ITGB6: variants seen among roughly 807,000 people sequenced by gnomAD.
ITGB6 encodes the protein integrin subunit beta 6.
In ITGB6, 80 loss-of-function variants were observed where a neutral mutation model predicts 84.5. That is an observed-to-expected ratio of 0.95 (90% CI 0.79 to 1.14). The LOEUF (loss-of-function observed/expected upper bound fraction) is 1.14, where lower values mean the gene tolerates loss of function less well. Ranked by LOEUF, ITGB6 falls within the 50% of genes most tolerant of loss-of-function variation. The pLI is 0.00. For synonymous variants in ITGB6, 383 were observed against 354.9 expected (o/e 1.08, Z -0.89); for missense variants, 1,006 against 968.0 (o/e 1.04, Z -0.52).
At chr2:160,108,252 T>TGTGTGC (rs1440154947) in intron 13 of ITGB6, among the ~76,000 whole-genome samples, 88 of 148,186 alleles carry the variant, frequency 5.9e-4, no homozygotes, top group African/African-American at 2.1e-3. Context: ...TGTGTGTGTG[T>TGTGTGC]GTGCTGCATG....
chr2:160,137,401 C>T (rs1683783479), intron 10 of ITGB6, 33 bp downstream of exon 10: 3 of 1,572,932 alleles, frequency 1.9e-6, no homozygotes, highest in Non-Finnish European at 2.6e-6. Context: ...ACTTGAGCAG[C>T]CACAGGGTAA....
chr2:160,154,515 T>C (rs1453883193), intron 7 of ITGB6, among the ~76,000 whole-genome samples: 1 of 152,120 alleles, frequency 6.6e-6, no homozygotes, highest in African/African-American at 2.4e-5. Flanking sequence ...CACACCAACA[T>C]GGCACATGTA....
intron 7 of ITGB6, among the ~76,000 whole-genome samples, chr2:160,160,816 G>A (rs978432929): frequency 3.9e-5 from 6 of 152,118 alleles, no homozygotes; most frequent in African/African-American, 1.4e-4. Context: ...CACATAGAGT[G>A]GCCAACTGCA....
chr2:160,178,170 C>T (rs183892382), intron 4 of ITGB6, among the ~76,000 whole-genome samples: 144 of 152,290 alleles, frequency 9.5e-4, no homozygotes, highest in African/African-American at 3.2e-3. Flanking sequence ...CCACTGTGCC[C>T]GGCCAGTTAT....
intron 12 of ITGB6, among the ~76,000 whole-genome samples, chr2:160,118,610 A>C (rs1045432292): frequency 2.0e-5 from 3 of 152,172 alleles, no homozygotes; most frequent in African/African-American, 7.2e-5. Context: ...GGCACAAGAC[A>C]GGGATGCCCT....
chr2:160,158,541 C>T (rs2198918), intron 7 of ITGB6, among the ~76,000 whole-genome samples: 46,736 of 152,104 alleles, frequency 0.31, 8,960 homozygotes, highest in Non-Finnish European at 0.42. Context: ...AATTGCAGAC[C>T]TTTGCTGACT....
At chr2:160,185,082 C>T (rs1489559337) in intron 4 of ITGB6, among the ~76,000 whole-genome samples, 5 of 152,164 alleles carry the variant, frequency 3.3e-5, no homozygotes, top group Non-Finnish European at 5.9e-5. Flanking sequence ...GACAAGAATG[C>T]CCTCTCTCAC....
intron 7 of ITGB6, among the ~76,000 whole-genome samples, chr2:160,153,868 C>A (rs955784532): frequency 1.3e-5 from 2 of 152,140 alleles, no homozygotes; most frequent in South Asian, 4.2e-4. Context: ...AAATGCAAAT[C>A]AAAACCACAA....
At chr2:160,162,081 C>A (rs945412731) in intron 7 of ITGB6, among the ~76,000 whole-genome samples, 1 of 152,148 alleles carries the variant, frequency 6.6e-6, no homozygotes, top group Non-Finnish European at 1.5e-5. Flanking sequence ...AAAAGCAGAG[C>A]ATTGAGCTTA....
intron 7 of ITGB6, among the ~76,000 whole-genome samples, chr2:160,151,141 C>T (rs1458439105): frequency 1.3e-5 from 2 of 152,162 alleles, no homozygotes; most frequent in African/African-American, 2.4e-5. Flanking sequence ...AGAGAATATA[C>T]ATTCTTCTCA....
intron 4 of ITGB6, among the ~76,000 whole-genome samples, chr2:160,183,185 T>A (rs1020738421): frequency 1.6e-4 from 25 of 152,108 alleles, no homozygotes; most frequent in African/African-American, 5.3e-4. Flanking sequence ...CCAATTAAAA[T>A]ACACATAGTG....
rs1244078619 is a variant in ITGB6, at chr2:160,163,442, G to C, written c.1017+5770C>G. 2.6e-5 allele frequency among the ~76,000 whole-genome samples: 4 copies of C among 152,212 alleles called. No individual in the cohort carries two copies. In the East Asian group the frequency reaches 5.8e-4, roughly 22 times the overall value. On this transcript the variant is annotated intron_variant, in intron 7 of 14. Coordinates refer to ENST00000283249, the MANE Select transcript of ITGB6 (RefSeq NM_000888.5). ...AGATCAGGAGTTCGAGACCAGTCTG[G>C]CCAACATGGTGAAACCCCGTCTCTA... is the stretch of plus-strand genomic sequence containing the variant.
intron 7 of ITGB6, among the ~76,000 whole-genome samples, chr2:160,156,631 C>A (rs1020390605): frequency 6.6e-6 from 1 of 152,138 alleles, no homozygotes. Context: ...AACCGTTAGA[C>A]CTCACAGTTG....
rs1402921832 is a variant in ITGB6, at chr2:160,173,826, G to C, written c.759+148C>G. The C allele has an allele frequency of 7.6e-6, 5 of 656,030 alleles. No individual in the cohort carries two copies. In the East Asian group the frequency reaches 1.6e-4, roughly 21 times the overall value. The allele number at this position is 656,030 out of a possible 1,614,324, so 40.6% of individuals were successfully genotyped here. On this transcript the variant is annotated intron_variant, in intron 5 of 14. Coordinates refer to ENST00000283249, the MANE Select transcript of ITGB6 (RefSeq NM_000888.5). ...TTCAACATGATTTAATTAAACATTT[G>C]GTAAAAATTGTGTATTTTAAGAAAA... is the stretch of plus-strand genomic sequence containing the variant.
intron 4 of ITGB6, among the ~76,000 whole-genome samples, chr2:160,178,144 C>T (rs1043204025): frequency 6.6e-6 from 1 of 152,192 alleles, no homozygotes; most frequent in Non-Finnish European, 1.5e-5. Context: ...CAAAGTGCTG[C>T]GAGTACAGGC....
intron 4 of ITGB6, among the ~76,000 whole-genome samples, chr2:160,184,898 T>A (rs1192097138): frequency 6.6e-6 from 1 of 152,114 alleles, no homozygotes; most frequent in Non-Finnish European, 1.5e-5. Context: ...ATCTCAATAG[T>A]TGCAGAAAAG....
chr2:160,139,477 T>G (rs1208898544), intron 8 of ITGB6, among the ~76,000 whole-genome samples: 2 of 152,106 alleles, frequency 1.3e-5, no homozygotes, highest in Non-Finnish European at 2.9e-5. Flanking sequence ...CAAAATCTGT[T>G]TATACTGAAA....
At chr2:160,125,576 T>G (rs1472548143) in intron 11 of ITGB6, among the ~76,000 whole-genome samples, 4 of 152,208 alleles carry the variant, frequency 2.6e-5, no homozygotes, top group African/African-American at 9.6e-5. Flanking sequence ...GAGTAACCAC[T>G]GAGTGAAAAA....
intron 14 of ITGB6, among the ~76,000 whole-genome samples, chr2:160,106,657 A>G (rs1363780330): frequency 1.3e-5 from 2 of 152,234 alleles, no homozygotes; most frequent in African/African-American, 4.8e-5. Flanking sequence ...GGGAAGATAA[A>G]GTAGATAAAA....
Sources: gnomAD v4.1 joint callset for allele counts (sites outside exome capture counted in the v4.1 genomes callset) on GRCh38, gnomAD v4.1.1 for gene constraint, MANE v1.5 for transcripts, NCBI Gene and HGNC (gene_info 2026-07-23, HGNC 2026-07-21) for gene names.